Variants in PKP4 observed in about 807,000 individuals in gnomAD.
PKP4 encodes the protein plakophilin-4.
Under a neutral mutation model 145.1 loss-of-function variants are expected in PKP4, and 90 were observed. The ratio of observed to expected loss-of-function variants is 0.62; its 90% CI spans 0.52 to 0.74. The LOEUF is 0.74. PKP4 is among the 30% of genes least tolerant of loss of function. The pLI is 0.00. For missense variants in PKP4, 1,340 were observed against 1,482.7 expected, an observed-to-expected ratio of 0.90 and a Z score of 1.58; for synonymous variants, 563 against 577.2, an observed-to-expected ratio of 0.98 and a Z score of 0.35.
At chr2:158,523,110 C>T (rs1420965583) in intron 1 of PKP4, among the ~76,000 whole-genome samples, 1 of 152,186 alleles carries the variant, frequency 6.6e-6, no homozygotes, top group Non-Finnish European at 1.5e-5. Context: ...CTCAAAGCTA[C>T]AACTGGGTGG....
chr2:158,523,645 G>A (rs1294760749), intron 1 of PKP4, among the ~76,000 whole-genome samples: 1 of 133,336 alleles, frequency 7.5e-6, no homozygotes, highest in African/African-American at 3.0e-5. Flanking sequence ...TGACTTTGAC[G>A]AGCTGAGAGA....
intron 2 of PKP4, among the ~76,000 whole-genome samples, chr2:158,566,322 C>T (rs1187529088): frequency 6.6e-6 from 1 of 151,990 alleles, no homozygotes; most frequent in Non-Finnish European, 1.5e-5. Context: ...AACTAGTCTA[C>T]GTAGAGGAAG....
chr2:158,521,069 C>G (rs1004030099), intron 1 of PKP4, among the ~76,000 whole-genome samples: 1 of 152,170 alleles, frequency 6.6e-6, no homozygotes, highest in African/African-American at 2.4e-5. Flanking sequence ...CTCCAGATGC[C>G]TATGTACAAG....
At chr2:158,667,540 T>C (rs940168080) in intron 16 of PKP4, among the ~76,000 whole-genome samples, 3 of 152,106 alleles carry the variant, frequency 2.0e-5, no homozygotes, top group African/African-American at 7.2e-5. Flanking sequence ...TATAGTAAAC[T>C]TAAAATACAC....
rs1170796226 is a variant in PKP4 at position 158,621,394 on chromosome 2, A to C, written c.576A>C (p.Ser192=). ...CTAACAACCATGTGGTGAGGAATTCAAGAGCTGAAGGACAAACACTGGTTC... is the reference window on the plus strand; with the variant it reads ...CTAACAACCATGTGGTGAGGAATTCCAGAGCTGAAGGACAAACACTGGTTC... ...GSTNNHVVRN[S]RAEGQTLVQP... Residue 192 remains serine, a synonymous_variant, in exon 6 of 22, where the codon TCA becomes TCC. Coordinates refer to ENST00000389759, the MANE Select transcript of PKP4 (RefSeq NM_003628.6). 2 of 1,613,998 alleles carry C rather than the reference A, an allele frequency of 1.2e-6. No individual in the cohort carries two copies. Among genetic ancestry groups the C allele is most frequent in the Non-Finnish European group, 8.5e-7 (1 of 1,179,966 alleles).
At position 158,625,116 on chromosome 2, in the gene PKP4, C is replaced by G. The variant is rs752887767; in HGVS notation, c.842C>G (p.Ser281Cys). 6.2e-7 allele frequency: 1 copy of G among 1,614,174 alleles called. No individual in the cohort carries two copies. Among genetic ancestry groups the G allele is most frequent in the South Asian group, 1.1e-5 (1 of 91,078 alleles). The change falls in exon 7 of 22, where the codon TCC (serine) becomes TGC (cysteine). Residue 281 changes from serine to cysteine, a missense_variant. Coordinates refer to ENST00000389759, the MANE Select transcript of PKP4 (RefSeq NM_003628.6). Reference protein sequence around the residue: ...AASPYSQRPASPTAIRRIGSV... With the variant: ...AASPYSQRPACPTAIRRIGSV... Reference sequence around the variant, plus strand: ...TCTCCGTACTCACAGAGACCCGCCTCCCCAACAGCTATACGGCGGATTGGG... The same window carrying G: ...TCTCCGTACTCACAGAGACCCGCCTGCCCAACAGCTATACGGCGGATTGGG...
intron 3 of PKP4, among the ~76,000 whole-genome samples, chr2:158,579,460 G>A (rs75030735): frequency 9.6e-5 from 14 of 146,210 alleles, no homozygotes; most frequent in South Asian, 2.2e-4. Context: ...AAAAAAAAAA[G>A]CATTGAATTA....
chr2:158,670,355 G>A (rs534725638), intron 17 of PKP4, among the ~76,000 whole-genome samples: 5 of 152,130 alleles, frequency 3.3e-5, no homozygotes, highest in Non-Finnish European at 7.4e-5. Context: ...GTAGAAGGAG[G>A]GAGAGGTCTC....
intron 1 of PKP4, among the ~76,000 whole-genome samples, chr2:158,497,535 C>CTT (rs1450615722): frequency 1.3e-5 from 2 of 152,150 alleles, no homozygotes; most frequent in Admixed American, 6.5e-5. Context: ...AAAAAACAGT[C>CTT]TGTCAGTTAT....
At chr2:158,595,967 T>G (rs183734179) in intron 3 of PKP4, among the ~76,000 whole-genome samples, 37 of 152,080 alleles carry the variant, frequency 2.4e-4, no homozygotes, top group African/African-American at 8.0e-4. Flanking sequence ...GATAACAAGG[T>G]GTTAAGTAAT....
Position 158,533,322 on chromosome 2 carries a change from T to G in PKP4, c.132+6T>G. The G allele has an allele frequency of 6.2e-7, 1 of 1,614,038 alleles. No homozygotes were observed. Among genetic ancestry groups the G allele is most frequent in the Non-Finnish European group, 8.5e-7 (1 of 1,179,896 alleles). On this transcript the variant is annotated splice_donor_region_variant and intron_variant, in intron 2 of 21. Coordinates refer to ENST00000389759, the MANE Select transcript of PKP4 (RefSeq NM_003628.6). ...TAGCATCCGTGAAGGAGCAGGTACA[T>G]CCTCGTATTGAAAGTTGCAGTGAAT... is the stretch of plus-strand genomic sequence containing the variant.
intron 2 of PKP4, among the ~76,000 whole-genome samples, chr2:158,563,258 A>G (rs1296989986): frequency 6.6e-6 from 1 of 152,122 alleles, no homozygotes; most frequent in African/African-American, 2.4e-5. Flanking sequence ...TTTATTTACA[A>G]AAATTAATAA....
chr2:158,506,215 CA>C (rs1293546426), intron 1 of PKP4, among the ~76,000 whole-genome samples: 2 of 152,180 alleles, frequency 1.3e-5, no homozygotes, highest in African/African-American at 4.8e-5. Flanking sequence ...CCTTGCTCTG[CA>C]GTGCAGTCCT....
At chr2:158,544,482 T>C (rs2044798705) in intron 2 of PKP4, among the ~76,000 whole-genome samples, 1 of 152,136 alleles carries the variant, frequency 6.6e-6, no homozygotes, top group Admixed American at 6.6e-5. Context: ...AAATTTTAAT[T>C]TGGTTTTCCC....
intron 2 of PKP4, among the ~76,000 whole-genome samples, chr2:158,557,417 AGTC>A (rs2046190349): frequency 6.6e-6 from 1 of 152,190 alleles, no homozygotes; most frequent in African/African-American, 2.4e-5. Context: ...GAAAACATCA[AGTC>A]ATTCTATATA....
chr2:158,662,825 A>G (rs773548675), intron 13 of PKP4, 72 bp from the exon 14 acceptor site: 8 of 1,145,452 alleles, frequency 7.0e-6, no homozygotes, highest in East Asian at 4.8e-5. Context: ...TCCTGTCTGT[A>G]GTGTTCAGTA....
rs79909335 is a variant in PKP4, at chr2:158,652,685, A to C, written c.1910-5446A>C. On this transcript the variant is annotated intron_variant, in intron 11 of 21. Coordinates refer to ENST00000389759, the MANE Select transcript of PKP4 (RefSeq NM_003628.6). ...ACCCCCATTTTTCAAGAATGTTTGCAGGGTGGTTCCAGTGAGCCCATAGAT... is the reference window on the plus strand; with the variant it reads ...ACCCCCATTTTTCAAGAATGTTTGCCGGGTGGTTCCAGTGAGCCCATAGAT... 1.6e-3 allele frequency among the ~76,000 whole-genome samples: 247 copies of C among 152,284 alleles called. 2 individuals carry two copies. Among genetic ancestry groups the C allele is most frequent in the African/African-American group, 5.2e-3 (217 of 41,552 alleles).
At chr2:158,538,000 GA>G (rs2044202530) in intron 2 of PKP4, among the ~76,000 whole-genome samples, 1 of 152,146 alleles carries the variant, frequency 6.6e-6, no homozygotes, top group Non-Finnish European at 1.5e-5. Context: ...CTGGGTGACA[GA>G]GCAAGAACCT....
intron 13 of PKP4, 177 bp from the exon 14 acceptor site, chr2:158,662,720 G>C: frequency 1.9e-6 from 1 of 516,170 alleles, no homozygotes; most frequent in Non-Finnish European, 3.3e-6. Flanking sequence ...CTGTCATCTG[G>C]GTATTCCACA....
Sources: allele counts gnomAD v4.1 joint callset (sites outside exome capture counted in the v4.1 genomes callset), GRCh38; gene constraint gnomAD v4.1.1; transcripts MANE v1.5; gene names NCBI Gene and HGNC (gene_info 2026-07-23, HGNC 2026-07-21).